DLGAP2: variants seen among roughly 807,000 people sequenced by gnomAD.
DLGAP2 encodes the protein DLG associated protein 2, also known as disks large-associated protein 2.
In DLGAP2, 26 loss-of-function variants were observed where a neutral mutation model predicts 100.3. That is an observed-to-expected ratio of 0.26 (90% CI 0.19 to 0.36). The LOEUF is 0.36. Ranked by LOEUF, DLGAP2 falls within the 10% of genes least tolerant of loss-of-function variation. DLGAP2 has a pLI of 1.00. For synonymous variants in DLGAP2, 886 were observed against 630.1 expected, an observed-to-expected ratio of 1.41 and a Z score of -6.08; for missense variants, 1,858 against 1,453.2, an observed-to-expected ratio of 1.28 and a Z score of -4.53.
chr8:1,585,014 T>G (rs1796072239), intron 6 of DLGAP2, among the ~76,000 whole-genome samples: 1 of 140,156 alleles, frequency 7.1e-6, no homozygotes, highest in Non-Finnish European at 1.5e-5. Context: ...AAAACTTCCA[T>G]TTTTAAATTT....
In DLGAP2 at chr8:1,101,731, C is replaced by G. The variant is rs539173178; in HGVS notation, c.74-157120C>G. On this transcript the variant is annotated intron_variant, in intron 2 of 14. Transcript: ENST00000637795. Reference sequence around the variant, plus strand: ...CACCCCGGAGCCGAACACGACACGACGATGGGAAGCTCCTCGTCACCCCTG... The same window carrying G: ...CACCCCGGAGCCGAACACGACACGAGGATGGGAAGCTCCTCGTCACCCCTG... 5.5e-5 allele frequency among the ~76,000 whole-genome samples: 6 copies of G among 110,046 alleles called. No individual in the cohort carries two copies. The South Asian group carries it at 2.2e-3, about 40-fold the overall frequency. The allele number at this position is 110,046 out of a possible 152,430, so 72.2% of individuals were successfully genotyped here.
chr8:802,085 TCACGGC>T, intron 1 of DLGAP2, among the ~76,000 whole-genome samples: 2 of 135,120 alleles, frequency 1.5e-5, no homozygotes, highest in African/African-American at 5.8e-5. Context: ...CCCTCCGTCC[TCACGGC>T]CTGGGGAATG....
At chr8:1,266,210 A>G (rs1283197779) in intron 3 of DLGAP2, among the ~76,000 whole-genome samples, 1 of 152,208 alleles carries the variant, frequency 6.6e-6, no homozygotes, top group Admixed American at 6.5e-5. Flanking sequence ...GGTTCTTGCC[A>G]AGTTCACAAA....
At position 1,332,154 on chromosome 8, in the gene DLGAP2, TGTGA is replaced by T. The variant is rs1196453327; in HGVS notation, c.106+73275_106+73278del. Among the ~76,000 whole-genome samples the T allele has an allele frequency of 2.0e-5, 3 of 151,822 alleles. No homozygotes were observed. The South Asian group carries it at 6.2e-4, about 32-fold the overall frequency. On this transcript the variant is annotated intron_variant, in intron 3 of 14. Coordinates refer to ENST00000637795, the MANE Select transcript of DLGAP2 (RefSeq NM_001346810.2). The stretch of plus-strand genomic sequence containing the variant: ...GTCCTGGTGTAGAAATGGGGGTGTG[TGTGA>T]GTGTGTGTGTGCGAATGTGAGCGTA...
intron 2 of DLGAP2, among the ~76,000 whole-genome samples, chr8:1,085,701 T>G (rs965783304): frequency 9.2e-5 from 14 of 152,240 alleles, no homozygotes; most frequent in Admixed American, 2.6e-4. Flanking sequence ...TCAGGCAATG[T>G]GATTCCTCTA....
At chr8:838,771 CT>C (rs2132712853) in intron 1 of DLGAP2, among the ~76,000 whole-genome samples, 1 of 152,230 alleles carries the variant, frequency 6.6e-6, no homozygotes, top group African/African-American at 2.4e-5. Flanking sequence ...GAAAAAGAGC[CT>C]TCTTGCTTGC....
chr8:1,108,649 A>G, intron 2 of DLGAP2, among the ~76,000 whole-genome samples: 1 of 128,070 alleles, frequency 7.8e-6, no homozygotes, highest in Admixed American at 8.2e-5. Context: ...GTGCCTATGA[A>G]GTGTGCTGGG....
At chr8:1,139,394 C>T (rs956202058) in intron 2 of DLGAP2, among the ~76,000 whole-genome samples, 13 of 152,236 alleles carry the variant, frequency 8.5e-5, no homozygotes, top group South Asian at 2.1e-4. Context: ...GCTGCAAGTC[C>T]GTGATCAAGG....
chr8:1,117,740 AGACAC>A (rs1805162609), intron 2 of DLGAP2, among the ~76,000 whole-genome samples: 1 of 152,174 alleles, frequency 6.6e-6, no homozygotes, highest in South Asian at 2.1e-4. Context: ...ACTCTTTGTA[AGACAC>A]CCCCAGGGGG....
chr8:1,260,203 GGT>G (rs1366074188), intron 3 of DLGAP2, among the ~76,000 whole-genome samples: 2 of 152,066 alleles, frequency 1.3e-5, no homozygotes, highest in East Asian at 3.9e-4. Flanking sequence ...CTGTCTGTTG[GGT>G]GTTTGAAAGC....
intron 7 of DLGAP2, among the ~76,000 whole-genome samples, chr8:1,627,326 C>G (rs548596525): frequency 1.3e-5 from 2 of 152,140 alleles, no homozygotes; most frequent in Non-Finnish European, 2.9e-5. Flanking sequence ...TCCTGCCGGT[C>G]GGCCCCACTC....
At chr8:1,642,195 T>C (rs77554258) in intron 8 of DLGAP2, among the ~76,000 whole-genome samples, 121 of 10,286 alleles carry the variant, frequency 0.012, 1 homozygote, top group Middle Eastern at 0.071. Context: ...AACCCGCCGG[T>C]CCTCACCTGT....
chr8:1,461,070 G>A (rs1030348749), intron 3 of DLGAP2, among the ~76,000 whole-genome samples: 15 of 151,584 alleles, frequency 9.9e-5, no homozygotes, highest in Admixed American at 2.0e-4. Flanking sequence ...AGAGAAGGGC[G>A]GCATTTGGGT....
intron 1 of DLGAP2, among the ~76,000 whole-genome samples, chr8:789,467 C>G (rs931613718): frequency 6.6e-6 from 1 of 152,194 alleles, no homozygotes; most frequent in East Asian, 1.9e-4. Context: ...CCAGTTACCC[C>G]CCACCAGGCC....
chr8:872,318 T>A (rs1563073261), intron 1 of DLGAP2, among the ~76,000 whole-genome samples: 1 of 151,122 alleles, frequency 6.6e-6, no homozygotes, highest in Non-Finnish European at 1.5e-5. Context: ...AGGAAAGTTT[T>A]CTCTCACTTC....
chr8:1,344,117 G>T (rs74454881), intron 3 of DLGAP2, among the ~76,000 whole-genome samples: 24 of 125,674 alleles, frequency 1.9e-4, no homozygotes, highest in East Asian at 8.1e-4. Context: ...CCATGTATTC[G>T]GGGCCCTGTC....
chr8:1,185,884 A>C (rs1797493015), intron 2 of DLGAP2, among the ~76,000 whole-genome samples: 1 of 152,118 alleles, frequency 6.6e-6, no homozygotes, highest in Non-Finnish European at 1.5e-5. Flanking sequence ...CCCACAGAGA[A>C]CACTCCGGAA....
intron 3 of DLGAP2, among the ~76,000 whole-genome samples, chr8:1,312,733 CAGTT>C (rs1247518201): frequency 2.6e-5 from 4 of 152,192 alleles, no homozygotes; most frequent in African/African-American, 7.2e-5. Flanking sequence ...CCTTTTGACT[CAGTT>C]AATTAACTTG....
intron 3 of DLGAP2, among the ~76,000 whole-genome samples, chr8:1,321,927 C>G (rs1362215066): frequency 2.6e-5 from 4 of 152,188 alleles, no homozygotes; most frequent in Non-Finnish European, 5.9e-5. Context: ...CAAACTGATT[C>G]AGTAAATACA....
Sources: allele counts gnomAD v4.1 joint callset (sites outside exome capture counted in the v4.1 genomes callset), GRCh38; gene constraint gnomAD v4.1.1; transcripts MANE v1.5; gene names NCBI Gene and HGNC (gene_info 2026-07-23, HGNC 2026-07-21).